The following CSMD2 variants were observed in gnomAD, a reference collection of about 807,000 sequenced individuals.
CSMD2 encodes CUB and sushi domain-containing protein 2.
Under a neutral mutation model 398.5 loss-of-function variants are expected in CSMD2, and 130 were observed. That is an observed-to-expected ratio of 0.33 (90% CI 0.28 to 0.38). CSMD2 has a LOEUF of 0.38. Among genes scored for constraint, CSMD2 ranks in the 10% least tolerant of loss-of-function variants. The pLI is 1.00. For synonymous variants in CSMD2, 1,828 were observed against 1,908.5 expected, an observed-to-expected ratio of 0.96 and a Z score of 1.10; for missense variants, 3,829 against 4,764.9, an observed-to-expected ratio of 0.80 and a Z score of 5.78.
chr1:34,143,641 G>A (rs1281586025), intron 1 of CSMD2, among the ~76,000 whole-genome samples: 1 of 152,182 alleles, frequency 6.6e-6, no homozygotes, highest in Non-Finnish European at 1.5e-5. Flanking sequence ...ATGGTATCTG[G>A]CACAAGGTGG....
intron 13 of CSMD2, among the ~76,000 whole-genome samples, chr1:33,761,328 C>T (rs1260979055): frequency 6.6e-6 from 1 of 152,166 alleles, no homozygotes; most frequent in Non-Finnish European, 1.5e-5. Context: ...TGCACCCAGC[C>T]CCCAGGATCC....
chr1:33,523,334 T>C lies in CSMD2; in HGVS notation c.10482A>G (p.Lys3494=). 6.3e-7 allele frequency: 1 copy of C among 1,586,668 alleles called. No homozygotes were observed. Among genetic ancestry groups the C allele is most frequent in the South Asian group, 1.1e-5 (1 of 90,440 alleles). Residue 3494 remains lysine, a synonymous_variant, in exon 67 of 71, where the codon AAA becomes AAG. Coordinates refer to ENST00000373381, the MANE Select transcript of CSMD2 (RefSeq NM_001281956.2). ...GPVEIFMNKF[K]DDHWALDGHV... is the part of the protein sequence containing the mutation. ...GGCCATCTAAAGCCCAGTGATCATC[T>C]TTGAACTTATTCATAAAGATCTCCA...
intron 1 of CSMD2, among the ~76,000 whole-genome samples, chr1:34,136,682 T>A (rs1638785340): frequency 6.6e-6 from 1 of 151,654 alleles, no homozygotes. Flanking sequence ...TTTATTACCA[T>A]TTTTTGTCCA....
At chr1:33,873,328 A>G (rs968500898) in intron 5 of CSMD2, among the ~76,000 whole-genome samples, 6 of 152,208 alleles carry the variant, frequency 3.9e-5, no homozygotes, top group African/African-American at 1.2e-4. Flanking sequence ...TGTGATAGGC[A>G]GCTTCAGAAA....
intron 2 of CSMD2, among the ~76,000 whole-genome samples, chr1:34,076,549 A>G (rs1162251554): frequency 1.3e-5 from 2 of 152,132 alleles, no homozygotes; most frequent in African/African-American, 2.4e-5. Context: ...ATGTGGCCAA[A>G]TGTCCCCTGG....
chr1:33,663,037 C>T lies in CSMD2; in HGVS notation c.4108G>A (p.Asp1370Asn). 1 of 1,614,200 alleles carries T rather than the reference C, an allele frequency of 6.2e-7. No individual in the cohort carries two copies. ...AGAACCCCGCTCTCCACAGGCCCAT[C>T]CCAGATGCGCAGCACGTCGTGAACC... ...EEVHDVLRIWDGPVESGVLLK... is the reference protein window; with the variant it reads ...EEVHDVLRIWNGPVESGVLLK... The change falls in exon 26 of 71, where the codon GAT becomes AAT. Residue 1370 changes from aspartate (D) to asparagine (N), a missense_variant. Physicochemically the swap from Asp to Asn is conservative, Grantham distance 23. This residue lies in a region of CSMD2 where 2,001 missense variants were observed against 2,567.1 expected (regional missense o/e 0.78). Transcript: ENST00000373381.
chr1:33,633,163 A>G lies in CSMD2; in HGVS notation c.5200+259T>C, dbSNP rs1642569011. ...TAGTAAGAAAAAAAGTTGCATCTGA[A>G]TACGAACCAACAGGAGAAGGCTACA... is the stretch of plus-strand genomic sequence containing the variant. On this transcript the variant is annotated intron_variant, in intron 32 of 70. Transcript: ENST00000373381. The surrounding 1 kb of genome is among the most constrained non-coding windows in gnomAD (Gnocchi z 5.0). 6.6e-6 allele frequency among the ~76,000 whole-genome samples: 1 copy of G among 152,234 alleles called. No individual in the cohort carries two copies. The highest frequency in any genetic ancestry group is 1.5e-5 in the Non-Finnish European group (1 of 68,046).
intron 25 of CSMD2, among the ~76,000 whole-genome samples, chr1:33,663,526 G>C (rs1644211794): frequency 6.6e-6 from 1 of 152,190 alleles, no homozygotes; most frequent in Non-Finnish European, 1.5e-5. Flanking sequence ...TAGAGGGCAG[G>C]GGGAACTGTG....
At chr1:33,811,197 T>C (rs969736951) in intron 9 of CSMD2, among the ~76,000 whole-genome samples, 2 of 152,050 alleles carry the variant, frequency 1.3e-5, no homozygotes, top group African/African-American at 2.4e-5. Context: ...ACCTGTCAGG[T>C]TGACATAAAG....
At chr1:34,065,261 C>T (rs1654984231) in intron 2 of CSMD2, among the ~76,000 whole-genome samples, 1 of 152,154 alleles carries the variant, frequency 6.6e-6, no homozygotes, top group African/African-American at 2.4e-5. Context: ...TTGGGTGCAC[C>T]AACACTTTCC....
At chr1:34,015,933 T>C (rs1271270851) in intron 3 of CSMD2, among the ~76,000 whole-genome samples, 18 of 152,078 alleles carry the variant, frequency 1.2e-4, no homozygotes, top group Admixed American at 6.6e-5. Flanking sequence ...CAAGAAAGTA[T>C]GGCCAGCCAC....
At chr1:33,821,385 A>T (rs7514631) in intron 7 of CSMD2, among the ~76,000 whole-genome samples, 20,552 of 152,126 alleles carry the variant, frequency 0.14, 2,401 homozygotes, top group African/African-American at 0.32. Flanking sequence ...GGATGCTGGT[A>T]CTGAGGAGGC....
chr1:33,700,255 C>T (rs530381045), intron 23 of CSMD2, among the ~76,000 whole-genome samples: 30 of 152,294 alleles, frequency 2.0e-4, no homozygotes, highest in Non-Finnish European at 3.7e-4. Flanking sequence ...GATCCACCCG[C>T]CTTGGCCTCC....
intron 1 of CSMD2, among the ~76,000 whole-genome samples, chr1:34,099,058 C>T (rs976116736): frequency 2.0e-5 from 3 of 152,094 alleles, no homozygotes; most frequent in Non-Finnish European, 4.4e-5. Flanking sequence ...CAAAAGAAGA[C>T]ATAAATGGCC....
At chr1:33,934,831 A>C (rs12083747) in intron 4 of CSMD2, among the ~76,000 whole-genome samples, 3 of 98,568 alleles carry the variant, frequency 3.0e-5, no homozygotes, top group African/African-American at 1.3e-4. Flanking sequence ...CTCTGTCTCC[A>C]TGAAAAAAAA....
intron 44 of CSMD2, among the ~76,000 whole-genome samples, chr1:33,589,887 C>T (rs1396220109): frequency 6.6e-6 from 1 of 152,198 alleles, no homozygotes; most frequent in Non-Finnish European, 1.5e-5. Flanking sequence ...ATTTATGGCA[C>T]TTTTGATTTG....
At chr1:33,857,193 T>C (rs186271434) in intron 5 of CSMD2, among the ~76,000 whole-genome samples, 8 of 152,114 alleles carry the variant, frequency 5.3e-5, no homozygotes, top group Admixed American at 5.2e-4. Context: ...CAGCACCCAC[T>C]TCATTGAGTG....
At position 33,605,362 on chromosome 1, in the gene CSMD2, T is replaced by C. The variant is rs141324421; in HGVS notation, c.6452A>G (p.Tyr2151Cys). Residue 2151 changes from tyrosine (Y) to cysteine (C), a missense_variant, in exon 42 of 71, where the codon TAT (tyrosine) becomes TGT (cysteine). Transcript: ENST00000373381. ...QSVTFECLPGYQLTGHPVLTC... is the reference protein window; with the variant it reads ...QSVTFECLPGCQLTGHPVLTC... Reference sequence around the variant, plus strand: ...GAGGACAGGGTGGCCAGTCAATTGATACCCCGGGAGGCACTCGAAGGTCAC... The same window carrying C: ...GAGGACAGGGTGGCCAGTCAATTGACACCCCGGGAGGCACTCGAAGGTCAC... 4.5e-5 allele frequency: 73 copies of C among 1,614,064 alleles called. No homozygotes were observed. The highest frequency in any genetic ancestry group is 6.2e-5 in the Non-Finnish European group (73 of 1,180,036).
chr1:33,872,635 T>A (rs1220675260), intron 5 of CSMD2, among the ~76,000 whole-genome samples: 7 of 152,022 alleles, frequency 4.6e-5, no homozygotes, highest in Non-Finnish European at 1.0e-4. Context: ...AGAGGGAATC[T>A]CAGTGCAATT....
Sources: gnomAD v4.1 joint callset for allele counts (sites outside exome capture counted in the v4.1 genomes callset) on GRCh38, gnomAD v4.1.1 for gene constraint, gnomAD v4.1.1 regional missense constraint, Gnocchi (gnomAD v3.1) non-coding constraint, MANE v1.5 for transcripts, NCBI Gene and HGNC (gene_info 2026-07-23, HGNC 2026-07-21) for gene names.